Variants in ADGRL3 observed in about 807,000 individuals in gnomAD.
The protein encoded by ADGRL3 is calcium-independent alpha-latrotoxin receptor 3.
Under a neutral mutation model 153.5 loss-of-function variants are expected in ADGRL3, and 62 were observed. That is an observed-to-expected ratio of 0.40 (90% CI 0.33 to 0.50). The LOEUF (loss-of-function observed/expected upper bound fraction) is 0.50. Ranked by LOEUF, ADGRL3 falls within the 20% of genes least tolerant of loss-of-function variation. ADGRL3 has a pLI of 0.47. For synonymous variants in ADGRL3, 710 were observed against 672.5 expected, an observed-to-expected ratio of 1.06 and a Z score of -0.86; for missense variants, 1,641 against 1,859.4, an observed-to-expected ratio of 0.88 and a Z score of 2.16.
intron 9 of ADGRL3, among the ~76,000 whole-genome samples, chr4:61,827,580 G>A (rs547556869): frequency 3.3e-5 from 5 of 152,282 alleles, no homozygotes; most frequent in African/African-American, 1.2e-4. Context: ...TGGATTGAGA[G>A]CAAAGAGAAT....
intron 19 of ADGRL3, among the ~76,000 whole-genome samples, chr4:61,991,027 GTGTA>G (rs753882002): frequency 9.9e-5 from 15 of 150,896 alleles, no homozygotes; most frequent in South Asian, 2.1e-4. Context: ...TGTATACAAC[GTGTA>G]TGTATGTATG....
intron 5 of ADGRL3, among the ~76,000 whole-genome samples, chr4:61,664,935 A>AG (rs1224448371): frequency 6.6e-6 from 1 of 152,166 alleles, no homozygotes; most frequent in Non-Finnish European, 1.5e-5. Flanking sequence ...TTAGGTAGCC[A>AG]GGTCCTTAAG....
At chr4:61,203,553 G>A (rs1735806312) in intron 1 of ADGRL3, among the ~76,000 whole-genome samples, 3 of 152,176 alleles carry the variant, frequency 2.0e-5, no homozygotes, top group Admixed American at 1.3e-4. Flanking sequence ...TCTGTGTTTT[G>A]CTCTGAAGTA....
At chr4:61,554,100 AT>A (rs34976733) in intron 4 of ADGRL3, among the ~76,000 whole-genome samples, 102 of 143,142 alleles carry the variant, frequency 7.1e-4, no homozygotes, top group Non-Finnish European at 8.0e-4. Context: ...GGCTTGGGCC[AT>A]TTTTTTTTTT....
chr4:61,402,858 A>G (rs1018103221), intron 2 of ADGRL3, among the ~76,000 whole-genome samples: 5 of 152,038 alleles, frequency 3.3e-5, no homozygotes, highest in Non-Finnish European at 4.4e-5. Context: ...AAATCTTTTT[A>G]GTTACCTGTT....
intron 6 of ADGRL3, among the ~76,000 whole-genome samples, chr4:61,700,604 G>A (rs1480436209): frequency 1.3e-5 from 2 of 152,128 alleles, no homozygotes; most frequent in Non-Finnish European, 2.9e-5. Flanking sequence ...TTGGGGTGAG[G>A]TAGTAGAGAA....
chr4:61,677,598 T>C (rs1292834406), intron 6 of ADGRL3, among the ~76,000 whole-genome samples: 2 of 151,950 alleles, frequency 1.3e-5, no homozygotes, highest in African/African-American at 4.8e-5. Flanking sequence ...AGAATCACCA[T>C]CTCAAAACAA....
At chr4:61,734,783 C>A (rs946410881) in intron 8 of ADGRL3, among the ~76,000 whole-genome samples, 3 of 152,070 alleles carry the variant, frequency 2.0e-5, no homozygotes, top group Non-Finnish European at 4.4e-5. Context: ...TATAGCAATT[C>A]GAAAATTAAA....
chr4:61,337,859 G>A (rs192570595), intron 1 of ADGRL3, among the ~76,000 whole-genome samples: 24 of 152,156 alleles, frequency 1.6e-4, no homozygotes, highest in Non-Finnish European at 3.2e-4. Context: ...GTTCTTATAT[G>A]TATACTCTTA....
intron 9 of ADGRL3, among the ~76,000 whole-genome samples, chr4:61,838,917 A>T (rs188404577): frequency 0.012 from 1,854 of 152,322 alleles, 17 homozygotes; most frequent in Non-Finnish European, 0.019. Flanking sequence ...TGATCTTTAA[A>T]GAAATCTAAG....
chr4:61,290,126 C>T (rs2094115765), intron 1 of ADGRL3, among the ~76,000 whole-genome samples: 1 of 152,026 alleles, frequency 6.6e-6, no homozygotes, highest in African/African-American at 2.4e-5. Flanking sequence ...ATCATAGGTA[C>T]AGAAAGCTTT....
chr4:61,373,023 A>C (rs1406374270), intron 1 of ADGRL3, among the ~76,000 whole-genome samples: 4 of 152,150 alleles, frequency 2.6e-5, no homozygotes, highest in Admixed American at 1.3e-4. Context: ...TTCTTTGATT[A>C]GGAAAGGGAA....
chr4:61,634,013 C>G (rs922492171), intron 5 of ADGRL3, among the ~76,000 whole-genome samples: 1 of 152,046 alleles, frequency 6.6e-6, no homozygotes, highest in African/African-American at 2.4e-5. Context: ...TTTTCTTACT[C>G]TCTTATTCTT....
At chr4:62,000,197 G>A (rs1366278557) in intron 21 of ADGRL3, among the ~76,000 whole-genome samples, 1 of 151,528 alleles carries the variant, frequency 6.6e-6, no homozygotes, top group Non-Finnish European at 1.5e-5. Flanking sequence ...TAACATTTAT[G>A]TAGCACTATG....
intron 1 of ADGRL3, among the ~76,000 whole-genome samples, chr4:61,311,813 C>T (rs913039910): frequency 5.9e-5 from 9 of 152,106 alleles, no homozygotes; most frequent in Non-Finnish European, 1.2e-4. Context: ...GTGGTAGATT[C>T]ACATTATTAT....
At chr4:61,323,577 G>A (rs2095408035) in intron 1 of ADGRL3, among the ~76,000 whole-genome samples, 1 of 152,074 alleles carries the variant, frequency 6.6e-6, no homozygotes, top group Non-Finnish European at 1.5e-5. Context: ...CAAATCTCTA[G>A]GGCAGGGGCA....
intron 4 of ADGRL3, among the ~76,000 whole-genome samples, chr4:61,558,576 A>G (rs888745610): frequency 1.6e-4 from 24 of 151,642 alleles, no homozygotes; most frequent in African/African-American, 5.8e-4. Context: ...CTGTTCATTG[A>G]TCTGTCTATA....
chr4:61,260,228 G>A (rs1335512255), intron 1 of ADGRL3, among the ~76,000 whole-genome samples: 1 of 152,174 alleles, frequency 6.6e-6, no homozygotes, highest in Non-Finnish European at 1.5e-5. Flanking sequence ...TTATATGGAT[G>A]AGAGATAGAA....
chr4:61,666,742 T>C (rs1219439657), intron 5 of ADGRL3, among the ~76,000 whole-genome samples: 1 of 152,160 alleles, frequency 6.6e-6, no homozygotes, highest in Non-Finnish European at 1.5e-5. Context: ...ATAAGCAATA[T>C]CTTTATTTGC....
Sources: gnomAD v4.1 joint callset for allele counts (sites outside exome capture counted in the v4.1 genomes callset) on GRCh38, gnomAD v4.1.1 for gene constraint, MANE v1.5 for transcripts, NCBI Gene and HGNC (gene_info 2026-07-23, HGNC 2026-07-21) for gene names.